RBM33: variants seen among roughly 807,000 people sequenced by gnomAD.
The protein encoded by RBM33 is RNA-binding protein 33.
In RBM33, 28 loss-of-function variants were observed where a neutral mutation model predicts 132.6. The ratio of observed to expected loss-of-function variants is 0.21; its 90% CI spans 0.16 to 0.29. The LOEUF is 0.29. RBM33 is among the 10% of genes least tolerant of loss of function. The probability of loss-of-function intolerance (pLI) is 1.00; values close to 1 mark genes in which losing one functional copy is unlikely to be tolerated. For missense variants in RBM33, 1,291 were observed against 1,518.5 expected (o/e 0.85, Z 2.49); for synonymous variants, 634 against 593.0 (o/e 1.07, Z -1.01).
intron 1 of RBM33, among the ~76,000 whole-genome samples, chr7:155,662,183 G>C (rs1033638914): frequency 2.0e-5 from 3 of 152,080 alleles, no homozygotes; most frequent in Non-Finnish European, 4.4e-5. Flanking sequence ...GTCTCTCTCT[G>C]AGCACACCTT....
At chr7:155,673,866 A>G (rs1350882257) in intron 3 of RBM33, among the ~76,000 whole-genome samples, 2 of 149,670 alleles carry the variant, frequency 1.3e-5, no homozygotes, top group Non-Finnish European at 3.0e-5. Flanking sequence ...AGAAAGTGAA[A>G]TACTACATTT....
At chr7:155,717,956 T>C (rs1352475907) in intron 8 of RBM33, among the ~76,000 whole-genome samples, 2 of 152,218 alleles carry the variant, frequency 1.3e-5, no homozygotes, top group African/African-American at 4.8e-5. Context: ...CTCACTTCCC[T>C]TCCTCCCTTC....
chr7:155,646,987 T>C (rs1798216357), intron 1 of RBM33, among the ~76,000 whole-genome samples: 1 of 152,258 alleles, frequency 6.6e-6, no homozygotes, highest in Non-Finnish European at 1.5e-5. Context: ...CCACGTGATT[T>C]ACCTGTGTAA....
At chr7:155,652,614 C>T (rs1284365153) in intron 1 of RBM33, among the ~76,000 whole-genome samples, 1 of 152,170 alleles carries the variant, frequency 6.6e-6, no homozygotes. Context: ...TTGTAGAAAT[C>T]TAGTAGATAT....
chr7:155,708,172 T>G (rs143999160), intron 7 of RBM33, among the ~76,000 whole-genome samples: 27 of 152,358 alleles, frequency 1.8e-4, no homozygotes, highest in African/African-American at 6.5e-4. Flanking sequence ...GTAGAAGAGA[T>G]AATTTTTGTT....
rs777543117 is a variant in RBM33, at chr7:155,774,721, A to G, written c.3464+74A>G. The G allele has an allele frequency of 3.0e-4, 357 of 1,208,346 alleles. No homozygotes were observed. The highest frequency in any genetic ancestry group is 4.2e-4 in the Non-Finnish European group (339 of 810,588). The allele number at this position is 1,208,346 out of a possible 1,614,324, so 74.9% of individuals were successfully genotyped here. A position where few individuals can be genotyped will look rare whatever the true frequency, so the allele number is the denominator to read the frequency against. On this transcript the variant is annotated intron_variant, in intron 17 of 17. Transcript: ENST00000401878. The surrounding 1 kb of genome is among the most constrained non-coding windows in gnomAD (Gnocchi z 4.2). ...CCCTCCTTCCTGTGCCCTCCCATCC[A>G]TCATGGTAGCAAGCGTGTGTCCCCA...
At chr7:155,681,779 C>A (rs144177959) in intron 5 of RBM33, among the ~76,000 whole-genome samples, 194 of 152,008 alleles carry the variant, frequency 1.3e-3, no homozygotes, top group African/African-American at 4.5e-3. Context: ...CATCTTCATT[C>A]GGAGGAAGCT....
intron 4 of RBM33, among the ~76,000 whole-genome samples, chr7:155,679,934 A>G (rs989346724): frequency 2.9e-4 from 44 of 151,626 alleles, no homozygotes; most frequent in African/African-American, 8.6e-4. Flanking sequence ...AATAGGTGGA[A>G]CATGTTTTTT....
At chr7:155,728,932 G>A (rs982022794) in intron 9 of RBM33, among the ~76,000 whole-genome samples, 1 of 152,180 alleles carries the variant, frequency 6.6e-6, no homozygotes, top group Non-Finnish European at 1.5e-5. Context: ...CTACCTTGTA[G>A]GGTTGTGATA....
intron 14 of RBM33, among the ~76,000 whole-genome samples, chr7:155,751,140 G>C (rs1801675732): frequency 6.6e-6 from 1 of 152,142 alleles, no homozygotes. Flanking sequence ...GTGGGAAAGG[G>C]AATGTTTTAA....
At chr7:155,687,650 C>T (rs1393582311) in intron 5 of RBM33, among the ~76,000 whole-genome samples, 10 of 152,040 alleles carry the variant, frequency 6.6e-5, no homozygotes, top group African/African-American at 2.2e-4. Context: ...AATTAATTTT[C>T]GTATAAGGTG....
intron 8 of RBM33, among the ~76,000 whole-genome samples, chr7:155,715,369 T>C (rs2116984844): frequency 6.6e-6 from 1 of 152,332 alleles, no homozygotes; most frequent in Non-Finnish European, 1.5e-5. Flanking sequence ...CAGCTGGTAA[T>C]ACGTACAGAT....
chr7:155,664,203 A>G (rs1333818549), intron 1 of RBM33, among the ~76,000 whole-genome samples: 1 of 151,994 alleles, frequency 6.6e-6, no homozygotes, highest in Non-Finnish European at 1.5e-5. Context: ...TGCTGTTAAT[A>G]TTTCCTGTAT....
At chr7:155,673,565 CATATACAT>C (rs1799025756) in intron 3 of RBM33, among the ~76,000 whole-genome samples, 1 of 77,012 alleles carries the variant, frequency 1.3e-5, no homozygotes, top group Non-Finnish European at 2.4e-5. Context: ...TATATACACA[CATATACAT>C]ACACACGTGT....
At chr7:155,700,965 C>G (rs1044616271) in intron 6 of RBM33, 21 bp downstream of exon 6, 1 of 1,584,338 alleles carries the variant, frequency 6.3e-7, no homozygotes, top group Non-Finnish European at 8.6e-7. Context: ...TGCCTGTCTC[C>G]CATCCTCCTT....
intron 14 of RBM33, among the ~76,000 whole-genome samples, chr7:155,757,658 G>A (rs1226652930): frequency 2.0e-5 from 3 of 152,132 alleles, no homozygotes; most frequent in Admixed American, 2.0e-4. Flanking sequence ...ACCTCTTAGG[G>A]AGGTGTATTA....
At chr7:155,771,382 T>C (rs1014116693) in intron 16 of RBM33, among the ~76,000 whole-genome samples, 1 of 152,208 alleles carries the variant, frequency 6.6e-6, no homozygotes, top group Non-Finnish European at 1.5e-5. Context: ...AAAACAGGGT[T>C]TATTTCTGAA....
intron 5 of RBM33, among the ~76,000 whole-genome samples, chr7:155,698,151 G>A (rs1014256733): frequency 1.3e-5 from 2 of 152,104 alleles, no homozygotes; most frequent in Non-Finnish European, 2.9e-5. Flanking sequence ...GGTAGATCAC[G>A]AGGTCAGGAT....
chr7:155,694,792 C>T (rs1389962572), intron 5 of RBM33, among the ~76,000 whole-genome samples: 1 of 152,110 alleles, frequency 6.6e-6, no homozygotes, highest in Non-Finnish European at 1.5e-5. Flanking sequence ...CCCATTTGTT[C>T]ATTCTCCCAA....
Sources: gnomAD v4.1 joint callset for allele counts (sites outside exome capture counted in the v4.1 genomes callset) on GRCh38, gnomAD v4.1.1 for gene constraint, Gnocchi (gnomAD v3.1) non-coding constraint, MANE v1.5 for transcripts, NCBI Gene and HGNC (gene_info 2026-07-23, HGNC 2026-07-21) for gene names.